The following KIAA0825 variants were observed in gnomAD, a reference collection of about 807,000 sequenced individuals.
The protein encoded by KIAA0825 is KIAA0825, also known as uncharacterized protein KIAA0825.
A neutral mutation model predicts 147.6 loss-of-function variants in KIAA0825; 119 were observed. The ratio of observed to expected loss-of-function variants is 0.81; its 90% CI spans 0.69 to 0.94. KIAA0825 has a LOEUF of 0.94. KIAA0825 is among the 40% of genes least tolerant of loss of function. KIAA0825 has a pLI of 0.00. For missense variants in KIAA0825, 1,381 were observed against 1,472.7 expected, an observed-to-expected ratio of 0.94 and a Z score of 1.02; for synonymous variants, 470 against 518.1, an observed-to-expected ratio of 0.91 and a Z score of 1.26.
At chr5:94,493,621 T>A (rs1392888485) in intron 5 of KIAA0825, among the ~76,000 whole-genome samples, 2 of 152,158 alleles carry the variant, frequency 1.3e-5, no homozygotes, top group East Asian at 3.9e-4. Context: ...CCCTAGTGTC[T>A]GGGACTACAG....
At chr5:94,343,530 A>C (rs2150338557) in intron 20 of KIAA0825, among the ~76,000 whole-genome samples, 1 of 152,208 alleles carries the variant, frequency 6.6e-6, no homozygotes, top group East Asian at 1.9e-4. Context: ...TCTACTAAAA[A>C]CACAAAAAAT....
At chr5:94,396,022 A>G (rs928178231) in intron 17 of KIAA0825, 79 bp downstream of exon 17, 16 of 1,306,024 alleles carry the variant, frequency 1.2e-5, no homozygotes, top group Non-Finnish European at 1.5e-5. Context: ...CCCATCTGAC[A>G]ATATATTGTC....
At chr5:94,604,514 G>A (rs1787118122) in intron 1 of KIAA0825, among the ~76,000 whole-genome samples, 1 of 152,078 alleles carries the variant, frequency 6.6e-6, no homozygotes, top group Non-Finnish European at 1.5e-5. Context: ...AGCTGAGATT[G>A]CACCACTGCA....
chr5:94,560,287 T>C (rs1777317058), intron 2 of KIAA0825, among the ~76,000 whole-genome samples: 1 of 152,232 alleles, frequency 6.6e-6, no homozygotes, highest in Non-Finnish European at 1.5e-5. Context: ...CTCCCACTTA[T>C]CTGCCTCATG....
intron 20 of KIAA0825, among the ~76,000 whole-genome samples, chr5:94,320,856 T>C (rs539709923): frequency 1.8e-4 from 27 of 152,192 alleles, no homozygotes; most frequent in Non-Finnish European, 3.8e-4. Context: ...TTTCAGAATA[T>C]ACTTTGCACA....
At chr5:94,437,271 G>T (rs535323705) in intron 14 of KIAA0825, among the ~76,000 whole-genome samples, 1 of 152,196 alleles carries the variant, frequency 6.6e-6, no homozygotes, top group East Asian at 1.9e-4. Context: ...AAGATTCCAT[G>T]AATATATTGT....
chr5:94,468,719 G>A (rs1584587359), intron 10 of KIAA0825, among the ~76,000 whole-genome samples: 1 of 150,328 alleles, frequency 6.7e-6, no homozygotes. Context: ...ATAATAACTC[G>A]GGCATAAATC....
chr5:94,157,208 T>G (rs1562286568), intron 20 of KIAA0825, among the ~76,000 whole-genome samples: 2 of 152,158 alleles, frequency 1.3e-5, no homozygotes, highest in Admixed American at 1.3e-4. Flanking sequence ...TTTCCTAATT[T>G]TGGTAGCCTG....
At chr5:94,491,751 A>G (rs1423861106) in intron 5 of KIAA0825, among the ~76,000 whole-genome samples, 1 of 152,262 alleles carries the variant, frequency 6.6e-6, no homozygotes, top group African/African-American at 2.4e-5. Context: ...TTTACACCTT[A>G]GTTTGCAGAA....
chr5:94,565,379 G>A (rs910149924), intron 2 of KIAA0825, among the ~76,000 whole-genome samples: 1 of 117,294 alleles, frequency 8.5e-6, no homozygotes, highest in Non-Finnish European at 1.8e-5. Flanking sequence ...ATCTCCTTTT[G>A]TTGCCCAGGC....
chr5:94,189,423 T>C (rs1400761791), intron 20 of KIAA0825, among the ~76,000 whole-genome samples: 1 of 152,166 alleles, frequency 6.6e-6, no homozygotes, highest in African/African-American at 2.4e-5. Flanking sequence ...ATATCTAAAA[T>C]TCATTTTAAG....
rs1184279944 is a variant in KIAA0825, at chr5:94,473,321, C to T, written c.1426G>A (p.Glu476Lys). The T allele has an allele frequency of 1.3e-6, 2 of 1,551,684 alleles. No individual in the cohort carries two copies. The highest frequency in any genetic ancestry group is 3.9e-5 in the Admixed American group (2 of 50,986). Reference protein sequence around the residue: ...QVWQDSHMFPEEEQPKKIGKF... With the variant: ...QVWQDSHMFPKEEQPKKIGKF... Reference sequence around the variant, plus strand: ...CCAATTTTCTTTGGTTGTTCCTCCTCAGGAAACATATGGCTGTCTTGCCAA... The same window carrying T: ...CCAATTTTCTTTGGTTGTTCCTCCTTAGGAAACATATGGCTGTCTTGCCAA... Residue 476 changes from glutamate (E) to lysine (K), a missense_variant, in exon 8 of 21, where the codon GAG becomes AAG. Physicochemically the swap from Glu to Lys is moderately conservative, Grantham distance 56 (BLOSUM62 1). Transcript: ENST00000682413.
At chr5:94,460,525 A>G (rs957932739) in intron 12 of KIAA0825, among the ~76,000 whole-genome samples, 2 of 152,132 alleles carry the variant, frequency 1.3e-5, no homozygotes, top group Non-Finnish European at 2.9e-5. Flanking sequence ...TAGAGTGACA[A>G]ATGTCAGATA....
intron 8 of KIAA0825, 101 bp downstream of exon 8, chr5:94,473,191 G>A (rs905731801): frequency 2.3e-6 from 2 of 879,606 alleles, no homozygotes; most frequent in Admixed American, 2.4e-5. Flanking sequence ...TACTTGCCAA[G>A]GGACTCCACC....
rs797001012 is a variant in KIAA0825 at position 94,285,267 on chromosome 5, C to T, written c.3710+99101G>A. ...ACTGATGTATTCCAAGTGCCTAAAA[C>T]AATGTCAGGCATGTAATGGGCATTT... On this transcript the variant is annotated intron_variant, in intron 20 of 20. Coordinates refer to ENST00000682413, the MANE Select transcript of KIAA0825 (RefSeq NM_001145678.3). 2.0e-5 allele frequency among the ~76,000 whole-genome samples: 3 copies of T among 152,148 alleles called. No homozygotes were observed. In the South Asian group the frequency reaches 6.2e-4, roughly 32 times the overall value.
At chr5:94,356,334 GC>G (rs1347243483) in intron 20 of KIAA0825, among the ~76,000 whole-genome samples, 1 of 152,008 alleles carries the variant, frequency 6.6e-6, no homozygotes, top group Non-Finnish European at 1.5e-5. Context: ...ACAGCCGGGA[GC>G]GGTGGCTCAT....
intron 20 of KIAA0825, among the ~76,000 whole-genome samples, chr5:94,253,422 A>G (rs920563316): frequency 6.6e-6 from 1 of 152,170 alleles, no homozygotes; most frequent in African/African-American, 2.4e-5. Flanking sequence ...CATGCAGCAC[A>G]TTGTGCAGAC....
At chr5:94,357,006 A>AGCCACT (rs1784359350) in intron 20 of KIAA0825, among the ~76,000 whole-genome samples, 5 of 152,142 alleles carry the variant, frequency 3.3e-5, no homozygotes, top group Admixed American at 3.3e-4. Flanking sequence ...TACAGGCGTG[A>AGCCACT]GCCACTGCGC....
At chr5:94,455,830 C>T (rs189796505) in intron 12 of KIAA0825, among the ~76,000 whole-genome samples, 1 of 152,140 alleles carries the variant, frequency 6.6e-6, no homozygotes, top group East Asian at 1.9e-4. Context: ...AGATCAGGGG[C>T]TTGATCCAAG....
Sources: gnomAD v4.1 joint callset for allele counts (sites outside exome capture counted in the v4.1 genomes callset) on GRCh38, gnomAD v4.1.1 for gene constraint, MANE v1.5 for transcripts, NCBI Gene and HGNC (gene_info 2026-07-23, HGNC 2026-07-21) for gene names.